The following LAMA5 variants were observed in gnomAD, a reference collection of about 807,000 sequenced individuals.
The protein encoded by LAMA5 is laminin subunit alpha-5.
In LAMA5, 260 loss-of-function variants were observed where a neutral mutation model predicts 433.4. The observed-to-expected ratio is 0.60, with a 90% confidence interval of 0.54 to 0.66. The LOEUF (loss-of-function observed/expected upper bound fraction) is 0.66, where lower values mean the gene tolerates loss of function less well. Among genes scored for constraint, LAMA5 ranks in the 30% least tolerant of loss-of-function variants. The probability of loss-of-function intolerance (pLI) is 0.00; values close to 1 mark genes in which losing one functional copy is unlikely to be tolerated. For synonymous variants in LAMA5, 2,620 were observed against 2,226.6 expected (o/e 1.18, Z -4.97); for missense variants, 5,378 against 5,258.5 (o/e 1.02, Z -0.70).
chr20:62,324,088 A>G lies in LAMA5; in HGVS notation c.5760T>C (p.Pro1920=). 3 of 1,508,346 alleles carry G rather than the reference A, an allele frequency of 2.0e-6. No homozygotes were observed. In the South Asian group the frequency reaches 4.0e-5, roughly 20 times the overall value. The allele number at this position is 1,508,346 out of a possible 1,614,324, so 93.4% of individuals were successfully genotyped here. A position where few individuals can be genotyped will look rare whatever the true frequency, so the allele number is the denominator to read the frequency against. The change falls in exon 43 of 80, where the codon CCT becomes CCC. Residue 1920 remains proline (P), a synonymous_variant. Transcript: ENST00000252999. This position sits in a 1 kb window ranked among gnomAD's most constrained non-coding sequence, Gnocchi z 4.4. ...CVSCPCPLSV[P]SNNFAEGCVL... ...GGAGGAGGCTGGCTTACTTGTTGGA[A>G]GGCACTGAGAGGGGGCAGGGGCAGC...
At chr20:62,331,297 TAGGCGGTACGATGGGGGGTGC>T (rs1980405877) in intron 28 of LAMA5, among the ~76,000 whole-genome samples, 168 bp from the exon 29 acceptor site, 1 of 19,220 alleles carries the variant, frequency 5.2e-5, no homozygotes, top group African/African-American at 2.8e-4. Flanking sequence ...TGGGGGGGTG[TAGGCGGTACGATGGGGGGTGC>T]AGGCGGTACG....
intron 16 of LAMA5, among the ~76,000 whole-genome samples, chr20:62,337,214 G>A (rs1031351941): frequency 4.0e-5 from 6 of 149,778 alleles, no homozygotes; most frequent in Non-Finnish European, 7.4e-5. Flanking sequence ...CCACTTATGC[G>A]ACACGCGCCC....
rs1193378809 is a variant in LAMA5, at chr20:62,317,764, C to T, written c.7254G>A (p.Glu2418=). 2 of 1,598,310 alleles carry T rather than the reference C, an allele frequency of 1.3e-6. No homozygotes were observed. The highest frequency in any genetic ancestry group is 8.5e-7 in the Non-Finnish European group (1 of 1,173,498). Residue 2418 remains glutamate, a synonymous_variant, in exon 54 of 80, where the codon GAG becomes GAA. Transcript: ENST00000252999. ...RLEEALQRKQ[E]LSRDNATLQA... Reference sequence around the variant, plus strand: ...GCAGGGTGGCATTGTCCCGGGACAGCTCCTGCTTCCTTTGCTGAAGGCAAT... The same window carrying T: ...GCAGGGTGGCATTGTCCCGGGACAGTTCCTGCTTCCTTTGCTGAAGGCAAT...
In LAMA5 at chr20:62,311,616, C is replaced by G. The variant is rs1387105441; in HGVS notation, c.9804G>C (p.Gln3268His). ...FSGCISNVFV[Q>H]RLLGPQRVFD... ...CCCCCAGCGCCCACCAGGCTCACCG[C>G]TGCACGAAGACGTTGCTGATGCAGC... The change falls in exon 71 of 80, where the codon CAG (glutamine) becomes CAC (histidine). Residue 3268 changes from glutamine (Q) to histidine (H), a missense_variant and splice_region_variant. Physicochemically the swap from Gln to His is conservative, Grantham distance 24. Transcript: ENST00000252999. 6.2e-7 allele frequency: 1 copy of G among 1,605,994 alleles called. No homozygotes were observed. Among genetic ancestry groups the G allele is most frequent in the Non-Finnish European group, 8.5e-7 (1 of 1,177,438 alleles).
chr20:62,365,879 C>G (rs1233397042), intron 1 of LAMA5, among the ~76,000 whole-genome samples: 5 of 152,124 alleles, frequency 3.3e-5, no homozygotes, highest in African/African-American at 9.7e-5. Flanking sequence ...GCTCCTTCCC[C>G]CTCCACCAGG....
intron 57 of LAMA5, chr20:62,316,356 C>A (rs953408740): frequency 3.7e-6 from 2 of 544,732 alleles, no homozygotes; most frequent in African/African-American, 3.8e-5. Flanking sequence ...TTTCTCATTG[C>A]GCAGCTTGGC....
chr20:62,336,964 C>T (rs1227438366), intron 16 of LAMA5, 178 bp from the exon 17 acceptor site: 20 of 705,796 alleles, frequency 2.8e-5, no homozygotes, highest in Middle Eastern at 2.3e-4. Context: ...CAGCAACGGA[C>T]GTGCCATCCC....
At chr20:62,317,614 G>A in intron 54 of LAMA5, 48 bp downstream of exon 54, 1 of 1,520,460 alleles carries the variant, frequency 6.6e-7, no homozygotes, top group Non-Finnish European at 8.9e-7. Flanking sequence ...GCCTGGGAGG[G>A]AGTTGGCCGT....
Position 62,322,121 on chromosome 20 carries a change from T to A in LAMA5, c.6394A>T (p.Asn2132Tyr). The change falls in exon 48 of 80, where the codon AAC becomes TAC. Residue 2132 changes from asparagine to tyrosine, a missense_variant. Transcript: ENST00000252999. ...GRCDPHTGRC[N>Y]CPPGLSGERC... is the part of the protein sequence containing the mutation. ...TCCCCGCTGAGCCCCGGGGGGCAGT[T>A]GCAGCGGCCCGTGTGAGGGTCACAG... The A allele has an allele frequency of 6.2e-7, 1 of 1,603,392 alleles. No individual in the cohort carries two copies. Among genetic ancestry groups the A allele is most frequent in the Non-Finnish European group, 8.5e-7 (1 of 1,178,616 alleles).
chr20:62,335,635 C>T (rs1981449429), intron 18 of LAMA5, among the ~76,000 whole-genome samples: 1 of 146,212 alleles, frequency 6.8e-6, no homozygotes, highest in South Asian at 2.2e-4. Flanking sequence ...ACTCCACACC[C>T]CAACATTCCC....
At position 62,334,490 on chromosome 20, in the gene LAMA5, T is replaced by A. The variant is rs1393320565; in HGVS notation, c.2582+32A>T. 6 of 1,534,872 alleles carry A rather than the reference T, an allele frequency of 3.9e-6. No homozygotes were observed. In the Admixed American group the frequency reaches 1.0e-4, roughly 25 times the overall value. ...CCGGAGGACAAGCTGCCTGCCCCGC[T>A]CCCCACCACCCAGTGGGGAAGGGGT... On this transcript the variant is annotated intron_variant, in intron 21 of 79. Transcript: ENST00000252999.
chr20:62,360,642 G>GTGGAGGGATAGA (rs376997159), intron 2 of LAMA5, among the ~76,000 whole-genome samples: 1 of 86,240 alleles, frequency 1.2e-5, no homozygotes, highest in South Asian at 4.6e-4. Flanking sequence ...AGATGGGTGG[G>GTGGAGGGATAGA]TGGGTGGGTG....
chr20:62,339,864 C>T lies in LAMA5; in HGVS notation c.1478-1256G>A, dbSNP rs971033348. 1.3e-5 allele frequency among the ~76,000 whole-genome samples: 2 copies of T among 152,206 alleles called. 1 individual carries two copies. Among genetic ancestry groups the T allele is most frequent in the South Asian group, 4.1e-4 (2 of 4,832 alleles). Reference sequence around the variant, plus strand: ...CAGAACTGACAGAGGCAAGGACGATCGTGGGGCTGCGCTGTCTCCTTCATG... The same window carrying T: ...CAGAACTGACAGAGGCAAGGACGATTGTGGGGCTGCGCTGTCTCCTTCATG... On this transcript the variant is annotated intron_variant, in intron 11 of 79. Coordinates refer to ENST00000252999, the MANE Select transcript of LAMA5 (RefSeq NM_005560.6).
Position 62,327,413 on chromosome 20 carries a change from G to A in LAMA5, c.4939-7C>T. 1.9e-6 allele frequency: 3 copies of A among 1,586,922 alleles called. No individual in the cohort carries two copies. Among genetic ancestry groups the A allele is most frequent in the South Asian group, 1.1e-5 (1 of 87,510 alleles). ...ATCCCTCCATATCCACGAACTGTGGGCACACACGTGTGGCTGCACACGGGT... is the reference window on the plus strand; with the variant it reads ...ATCCCTCCATATCCACGAACTGTGGACACACACGTGTGGCTGCACACGGGT... On this transcript the variant is annotated splice_region_variant and splice_polypyrimidine_tract_variant and intron_variant, in intron 37 of 79. Coordinates refer to ENST00000252999, the MANE Select transcript of LAMA5 (RefSeq NM_005560.6).
chr20:62,367,082 C>A lies in LAMA5; in HGVS notation c.164G>T (p.Gly55Val). 7.9e-7 allele frequency: 1 copy of A among 1,266,580 alleles called. No individual in the cohort carries two copies. The highest frequency in any genetic ancestry group is 9.9e-7 in the Non-Finnish European group (1 of 1,009,542). The allele number at this position is 1,266,580 out of a possible 1,614,324, so 78.5% of individuals were successfully genotyped here. A position where few individuals can be genotyped will look rare whatever the true frequency, so the allele number is the denominator to read the frequency against. ...GGTCGCGGAGGCGGCGATGCGGGCG[C>A]CCTCGGCCAGGTTGAAGTAGGGCGG... ...LHPPYFNLAE[G>V]ARIAASATCG... The change falls in exon 1 of 80, where the codon GGC becomes GTC. Residue 55 changes from glycine (G) to valine (V), a missense_variant. Gly to Val is a moderately radical substitution (Grantham distance 109). Transcript: ENST00000252999.
intron 2 of LAMA5, 49 bp from the exon 3 acceptor site, chr20:62,353,300 T>C (rs1394981566): frequency 2.2e-6 from 3 of 1,338,728 alleles, no homozygotes; most frequent in Non-Finnish European, 3.1e-6. Context: ...TGGATTCCCA[T>C]GCTCCCAGGG....
Position 62,352,353 on chromosome 20 carries a change from C to G in LAMA5, c.576G>C (p.Lys192Asn), listed in dbSNP as rs1485439561. 1 of 1,598,588 alleles carries G rather than the reference C, an allele frequency of 6.3e-7. No homozygotes were observed. Among genetic ancestry groups the G allele is most frequent in the Non-Finnish European group, 8.5e-7 (1 of 1,179,352 alleles). The part of the protein sequence containing the change: ...YQPWQFFASS[K>N]RDCLERFGPQ... ...GCCCGAACCGCTCCAGACAGTCCCT[C>G]TTGGAGGCTGCGGGGAATGGCGGGA... Residue 192 changes from lysine to asparagine, a missense_variant, in exon 4 of 80, where the codon AAG (lysine) becomes AAC (asparagine). Lys to Asn is a moderately conservative substitution (Grantham distance 94). Coordinates refer to ENST00000252999, the MANE Select transcript of LAMA5 (RefSeq NM_005560.6).
rs1449981228 is a variant in LAMA5, at chr20:62,334,332, C to T, written c.2593G>A (p.Asp865Asn). 6.2e-7 allele frequency: 1 copy of T among 1,602,188 alleles called. No individual in the cohort carries two copies. Among genetic ancestry groups the T allele is most frequent in the African/African-American group, 1.3e-5 (1 of 74,828 alleles). ...TGGTGCAGGTCCGGGAGGTAGTGGTCCCTCGCAGGCCTGGCCACAGCAGGG... is the reference window on the plus strand; with the variant it reads ...TGGTGCAGGTCCGGGAGGTAGTGGTTCCTCGCAGGCCTGGCCACAGCAGGG... ...QGPTCSEPAR[D>N]HYLPDLHHLR... The change falls in exon 22 of 80, where the codon GAC (aspartate) becomes AAC (asparagine). Residue 865 changes from aspartate (D) to asparagine (N), a missense_variant. Physicochemically the swap from Asp to Asn is conservative, Grantham distance 23. Transcript: ENST00000252999.
chr20:62,325,600 G>A (rs1979156532), intron 40 of LAMA5, 54 bp from the exon 41 acceptor site: 1 of 1,299,368 alleles, frequency 7.7e-7, no homozygotes, highest in Non-Finnish European at 1.1e-6. Flanking sequence ...GACAGAACAG[G>A]GAGCCTAGAA....
Sources: gnomAD v4.1 joint callset for allele counts (sites outside exome capture counted in the v4.1 genomes callset) on GRCh38, gnomAD v4.1.1 for gene constraint, Gnocchi (gnomAD v3.1) non-coding constraint, MANE v1.5 for transcripts, NCBI Gene and HGNC (gene_info 2026-07-23, HGNC 2026-07-21) for gene names.